Variants in AKAP13 observed in about 807,000 individuals in gnomAD.
AKAP13 encodes the protein A-kinase anchor protein 13.
Under a neutral mutation model 264.5 loss-of-function variants are expected in AKAP13, and 80 were observed. The ratio of observed to expected loss-of-function variants is 0.30; its 90% confidence interval spans 0.25 to 0.36. AKAP13 has a LOEUF of 0.36. Ranked by LOEUF, AKAP13 falls within the 10% of genes least tolerant of loss-of-function variation. The pLI, the probability that AKAP13 is intolerant of heterozygous loss-of-function variation, is 1.00. For missense variants in AKAP13, 3,712 were observed against 3,435.2 expected (o/e 1.08, Z -2.01); for synonymous variants, 1,380 against 1,250.2 (o/e 1.10, Z -2.19).
At chr15:85,427,149 G>A (rs2072826257) in intron 1 of AKAP13, among the ~76,000 whole-genome samples, 2 of 151,794 alleles carry the variant, frequency 1.3e-5, no homozygotes, top group South Asian at 2.1e-4. Context: ...TAGAGACGGG[G>A]TTTCACCGTG....
intron 6 of AKAP13, among the ~76,000 whole-genome samples, chr15:85,578,119 CA>C (rs1176523895): frequency 6.6e-6 from 1 of 152,072 alleles, no homozygotes; most frequent in African/African-American, 2.4e-5. Context: ...CCCGTCTCTA[CA>C]AAAAATAAAA....
At chr15:85,474,101 T>C (rs2075063117) in intron 1 of AKAP13, among the ~76,000 whole-genome samples, 1 of 152,196 alleles carries the variant, frequency 6.6e-6, no homozygotes, top group Non-Finnish European at 1.5e-5. Flanking sequence ...ATGAAAAAAG[T>C]GTTCCCAACT....
At chr15:85,666,155 G>A (rs536324958) in intron 13 of AKAP13, among the ~76,000 whole-genome samples, 7 of 152,268 alleles carry the variant, frequency 4.6e-5, no homozygotes, top group South Asian at 2.1e-4. Context: ...GTGTAAAAGC[G>A]TTCCTATCTC....
At chr15:85,688,090 A>G (rs1458398460) in intron 16 of AKAP13, among the ~76,000 whole-genome samples, 1 of 151,976 alleles carries the variant, frequency 6.6e-6, no homozygotes, top group African/African-American at 2.4e-5. Context: ...GTAAAGCAGT[A>G]TATTTTGTGT....
At position 85,436,031 on chromosome 15, in the gene AKAP13, A is replaced by G. The variant is rs1189961094; in HGVS notation, c.-11-49679A>G. 1.2e-4 allele frequency among the ~76,000 whole-genome samples: 18 copies of G among 147,290 alleles called. No homozygotes were observed. The East Asian group carries it at 3.4e-3, about 28-fold the overall frequency. ...AAAGACACAGACTGGCAAATTGGAT[A>G]AAGAGTCAAGACCCATCAGTGTGCT... On this transcript the variant is annotated intron_variant, in intron 1 of 36. Transcript: ENST00000394518.
intron 4 of AKAP13, among the ~76,000 whole-genome samples, chr15:85,541,860 C>T (rs1329043770): frequency 2.0e-5 from 3 of 152,184 alleles, no homozygotes; most frequent in African/African-American, 7.2e-5. Context: ...GTTGCTAAGA[C>T]TTTCAGAAAT....
At position 85,380,711 on chromosome 15, in the gene AKAP13, G is replaced by C. The variant is rs907942205; in HGVS notation, c.-99G>C. On this transcript the variant is annotated 5_prime_UTR_variant, in exon 1 of 37. Transcript: ENST00000394518. ...GGTCGCCGCCGCTTTAGCCGCCTCC[G>C]GGGGAGCGGCCGCCTATTGTCTTTC... 6.6e-6 allele frequency: 1 copy of C among 152,578 alleles called. No individual in the cohort carries two copies. Among genetic ancestry groups the C allele is most frequent in the African/African-American group, 2.4e-5 (1 of 41,462 alleles). The allele number at this position is 152,578 out of a possible 1,614,324, so 9.5% of individuals were successfully genotyped here. A position where few individuals can be genotyped will look rare whatever the true frequency, so the allele number is the denominator to read the frequency against.
intron 16 of AKAP13, among the ~76,000 whole-genome samples, chr15:85,687,911 A>T (rs985147315): frequency 3.3e-5 from 5 of 151,886 alleles, no homozygotes; most frequent in Non-Finnish European, 5.9e-5. Flanking sequence ...GTAGTGGCAC[A>T]CACCTGTAGT....
rs376910654 is a variant in AKAP13 at position 85,462,359 on chromosome 15, A to G, written c.-11-23351A>G. The stretch of plus-strand genomic sequence containing the variant: ...CCATCAGAATGGGGCATCCACACTA[A>G]TGCTTAAAACTAAATAGAGATTGGT... On this transcript the variant is annotated intron_variant, in intron 1 of 36. Transcript: ENST00000394518. Among the ~76,000 whole-genome samples the G allele has an allele frequency of 4.6e-5, 7 of 152,196 alleles. No individual in the cohort carries two copies. The East Asian group carries it at 7.7e-4, about 17-fold the overall frequency.
chr15:85,697,215 A>C (rs1231165136), intron 17 of AKAP13, among the ~76,000 whole-genome samples: 1 of 152,254 alleles, frequency 6.6e-6, no homozygotes, highest in South Asian at 2.1e-4. Flanking sequence ...CATAGATGCC[A>C]CATAAGGAAG....
chr15:85,413,801 A>G (rs2072099077), intron 1 of AKAP13, among the ~76,000 whole-genome samples: 1 of 152,160 alleles, frequency 6.6e-6, no homozygotes, highest in Non-Finnish European at 1.5e-5. Flanking sequence ...TTATATTCAC[A>G]GTATCCCACG....
intron 1 of AKAP13, among the ~76,000 whole-genome samples, chr15:85,399,836 G>A (rs994028977): frequency 6.6e-6 from 1 of 152,202 alleles, no homozygotes; most frequent in African/African-American, 2.4e-5. Flanking sequence ...TTTGAGATAA[G>A]ATTTAGAGAT....
chr15:85,410,468 A>G (rs2071908203), intron 1 of AKAP13, among the ~76,000 whole-genome samples: 1 of 151,564 alleles, frequency 6.6e-6, no homozygotes, highest in South Asian at 2.1e-4. Flanking sequence ...TGCTTTCAGG[A>G]TCAAGTTCAG....
chr15:85,675,033 C>G (rs937725897), intron 14 of AKAP13, among the ~76,000 whole-genome samples: 7 of 152,016 alleles, frequency 4.6e-5, no homozygotes, highest in African/African-American at 1.5e-4. Context: ...AATTCAATTA[C>G]CTTGTAAAAT....
intron 5 of AKAP13, among the ~76,000 whole-genome samples, chr15:85,564,562 G>A (rs933965010): frequency 6.6e-6 from 1 of 152,120 alleles, no homozygotes; most frequent in Non-Finnish European, 1.5e-5. Flanking sequence ...GCTTAATAGT[G>A]TTCTTTTAAG....
At chr15:85,546,370 G>T (rs2077745531) in intron 5 of AKAP13, among the ~76,000 whole-genome samples, 1 of 124,294 alleles carries the variant, frequency 8.0e-6, no homozygotes, top group Non-Finnish European at 1.9e-5. Context: ...AGCCAAAAGT[G>T]TAAACAACCT....
At chr15:85,413,106 C>T (rs1021075967) in intron 1 of AKAP13, among the ~76,000 whole-genome samples, 1 of 152,218 alleles carries the variant, frequency 6.6e-6, no homozygotes, top group Non-Finnish European at 1.5e-5. Flanking sequence ...GGCACTGTGT[C>T]CGCACTGCTA....
At position 85,736,145 on chromosome 15, in the gene AKAP13, T is replaced by C; in HGVS notation, c.7557+11T>C. On this transcript the variant is annotated intron_variant, in intron 33 of 36. Coordinates refer to ENST00000394518, the MANE Select transcript of AKAP13 (RefSeq NM_007200.5). ...AAAAGAAACAGTGAGGTAAGGACATTATGAACTATTTAAGAAAATATGTGT... is the reference window on the plus strand; with the variant it reads ...AAAAGAAACAGTGAGGTAAGGACATCATGAACTATTTAAGAAAATATGTGT... The C allele has an allele frequency of 1.3e-6, 2 of 1,594,268 alleles. No homozygotes were observed. Among genetic ancestry groups the C allele is most frequent in the Non-Finnish European group, 1.7e-6 (2 of 1,163,422 alleles).
At chr15:85,663,164 G>C (rs2151543882) in intron 12 of AKAP13, among the ~76,000 whole-genome samples, 1 of 152,194 alleles carries the variant, frequency 6.6e-6, no homozygotes, top group African/African-American at 2.4e-5. Flanking sequence ...ACAAAAATTG[G>C]CCAGACACGG....
Sources: allele counts gnomAD v4.1 joint callset (sites outside exome capture counted in the v4.1 genomes callset), GRCh38; gene constraint gnomAD v4.1.1; transcripts MANE v1.5; gene names NCBI Gene and HGNC (gene_info 2026-07-23, HGNC 2026-07-21).